TACC2: variants seen among roughly 807,000 people sequenced by gnomAD.
The protein encoded by TACC2 is transforming acidic coiled-coil containing protein 2, also known as transforming acidic coiled-coil-containing protein 2.
TACC2 carries 137 observed loss-of-function variants against 227.3 expected under a neutral mutation model. The ratio of observed to expected loss-of-function variants is 0.60; its 90% CI spans 0.52 to 0.69. The LOEUF is 0.69. TACC2 is among the 30% of genes least tolerant of loss of function. The pLI is 0.00. For synonymous variants in TACC2, 1,523 were observed against 1,487.5 expected (o/e 1.02, Z -0.55); for missense variants, 3,470 against 3,694.4 (o/e 0.94, Z 1.57).
chr10:122,117,630 A>C (rs1001332506), intron 5 of TACC2, among the ~76,000 whole-genome samples: 2 of 152,214 alleles, frequency 1.3e-5, no homozygotes, highest in African/African-American at 2.4e-5. Context: ...CCATTGGCTC[A>C]TCTCAGGTTA....
At chr10:122,053,935 C>A (rs77688802) in intron 3 of TACC2, among the ~76,000 whole-genome samples, 2,558 of 152,332 alleles carry the variant, frequency 0.017, 29 homozygotes, top group African/African-American at 0.027. Context: ...GCAGTGGCCA[C>A]CTGCTGGGCA....
intron 2 of TACC2, among the ~76,000 whole-genome samples, chr10:122,048,492 C>T (rs2075315710): frequency 7.1e-6 from 1 of 140,994 alleles, no homozygotes; most frequent in African/African-American, 2.6e-5. Flanking sequence ...TTCCCTCTCT[C>T]CCTCTTCCTT....
At chr10:122,176,115 C>CTATATA (rs1232356115) in intron 7 of TACC2, among the ~76,000 whole-genome samples, 109 of 47,164 alleles carry the variant, frequency 2.3e-3, no homozygotes, top group Non-Finnish European at 3.0e-3. Flanking sequence ...CTCTCTCTCT[C>CTATATA]TCTATATATA....
chr10:122,171,754 G>A (rs1426290946), intron 7 of TACC2, among the ~76,000 whole-genome samples: 1 of 152,232 alleles, frequency 6.6e-6, no homozygotes, highest in African/African-American at 2.4e-5. Context: ...TTCCCACGTG[G>A]TGAAACAGCT....
chr10:122,165,659 C>T (rs2093117460), intron 7 of TACC2, among the ~76,000 whole-genome samples: 2 of 152,202 alleles, frequency 1.3e-5, no homozygotes, highest in Admixed American at 1.3e-4. Flanking sequence ...AATATTTTCA[C>T]AGTTGAGTTG....
Position 122,211,122 on chromosome 10 carries a change from A to C in TACC2, c.6697A>C (p.Thr2233Pro). 1 of 1,609,734 alleles carries C rather than the reference A, an allele frequency of 6.2e-7. No homozygotes were observed. The highest frequency in any genetic ancestry group is 8.5e-7 in the Non-Finnish European group (1 of 1,178,286). Residue 2233 changes from threonine (T) to proline (P), a missense_variant, in exon 9 of 23, where the codon ACG (threonine) becomes CCG (proline). This residue lies in a region of TACC2 where 593 missense variants were observed against 636.6 expected (regional missense o/e 0.93). Coordinates refer to ENST00000369005, the MANE Select transcript of TACC2 (RefSeq NM_206862.4). ...VQNSPPVGRK[T>P]LPLTTAPEAG... ...GAACTCACCCCCTGTCGGGAGGAAA[A>C]CGCTGCCTCTTACCACGGCCCCGGA...
intron 1 of TACC2, among the ~76,000 whole-genome samples, chr10:122,020,723 C>T (rs1957227731): frequency 6.6e-6 from 1 of 152,100 alleles, no homozygotes; most frequent in Non-Finnish European, 1.5e-5. Context: ...AGCCTGAGTT[C>T]CCCCACTGGG....
chr10:122,215,288 G>A, intron 9 of TACC2, 103 bp from the exon 10 acceptor site: 1 of 1,043,546 alleles, frequency 9.6e-7, no homozygotes, highest in Admixed American at 1.7e-5. Context: ...GGTGGCCTGG[G>A]CCAGATGGCT....
chr10:122,038,720 G>A (rs1208726862), intron 2 of TACC2, among the ~76,000 whole-genome samples: 1 of 152,194 alleles, frequency 6.6e-6, no homozygotes, highest in African/African-American at 2.4e-5. Context: ...AGTGTCTGGT[G>A]AAGGGAAGGT....
intron 19 of TACC2, among the ~76,000 whole-genome samples, chr10:122,245,716 T>C (rs1027779232): frequency 4.6e-5 from 7 of 152,116 alleles, no homozygotes; most frequent in African/African-American, 1.2e-4. Flanking sequence ...GAGTTTATTA[T>C]GGACAATGAG....
At chr10:121,996,332 A>G (rs1042874071) in intron 1 of TACC2, among the ~76,000 whole-genome samples, 1 of 152,182 alleles carries the variant, frequency 6.6e-6, no homozygotes, top group Non-Finnish European at 1.5e-5. Context: ...CTGGGATTAC[A>G]GAAGAGAACT....
intron 3 of TACC2, among the ~76,000 whole-genome samples, chr10:122,077,932 C>G (rs764992999): frequency 1.8e-4 from 28 of 152,126 alleles, no homozygotes; most frequent in Non-Finnish European, 4.1e-4. Context: ...CAGTGGCTCA[C>G]TCCTGTAATC....
At chr10:122,005,216 G>A (rs1364127328) in intron 1 of TACC2, among the ~76,000 whole-genome samples, 4 of 151,674 alleles carry the variant, frequency 2.6e-5, no homozygotes, top group African/African-American at 9.7e-5. Flanking sequence ...CGAGTAAGTG[G>A]GATTACAGGC....
intron 5 of TACC2, among the ~76,000 whole-genome samples, chr10:122,123,452 G>T (rs1343802853): frequency 1.3e-5 from 2 of 152,094 alleles, no homozygotes; most frequent in Non-Finnish European, 2.9e-5. Context: ...TGCTTACCCC[G>T]AGGGACCTGG....
At chr10:122,140,445 A>G (rs184474690) in intron 6 of TACC2, among the ~76,000 whole-genome samples, 16 of 152,348 alleles carry the variant, frequency 1.1e-4, no homozygotes, top group East Asian at 3.9e-4. Context: ...CGTTATTCCA[A>G]TAAGGTTTGG....
intron 3 of TACC2, among the ~76,000 whole-genome samples, chr10:122,057,662 T>TAA (rs36028350): frequency 1.3e-5 from 2 of 150,878 alleles, no homozygotes. Context: ...ATTAAAAAAT[T>TAA]AAAAAAAATT....
intron 1 of TACC2, among the ~76,000 whole-genome samples, chr10:122,009,294 T>C (rs1246092551): frequency 6.6e-6 from 1 of 152,214 alleles, no homozygotes; most frequent in Non-Finnish European, 1.5e-5. Flanking sequence ...GACAGGTAAC[T>C]GGAGGCCTCT....
At chr10:122,056,625 G>A (rs752322288) in intron 3 of TACC2, among the ~76,000 whole-genome samples, 9 of 152,228 alleles carry the variant, frequency 5.9e-5, no homozygotes, top group Non-Finnish European at 1.2e-4. Context: ...GAGAGCTGGA[G>A]TGGACAAGGA....
At chr10:122,031,028 C>G (rs1958882994) in intron 2 of TACC2, among the ~76,000 whole-genome samples, 1 of 152,160 alleles carries the variant, frequency 6.6e-6, no homozygotes, top group Non-Finnish European at 1.5e-5. Context: ...TACTTCCACC[C>G]CCCCATCTGA....
Sources: gnomAD v4.1 joint callset for allele counts (sites outside exome capture counted in the v4.1 genomes callset) on GRCh38, gnomAD v4.1.1 for gene constraint, gnomAD v4.1.1 regional missense constraint, MANE v1.5 for transcripts, NCBI Gene and HGNC (gene_info 2026-07-23, HGNC 2026-07-21) for gene names.